The following CHLSN variants were observed in gnomAD, a reference collection of about 807,000 sequenced individuals.
The protein encoded by CHLSN is protein cholesin.
the CHLSN span, among the ~76,000 whole-genome samples, chr7:1,131,783 A>G: frequency 6.6e-6 from 1 of 152,260 alleles, no homozygotes; most frequent in Non-Finnish European, 1.5e-5. Flanking sequence ...TTAAAAACTT[A>G]ATCACTATGT....
chr7:1,039,154 T>C, the CHLSN span, among the ~76,000 whole-genome samples: 1 of 29,428 alleles, frequency 3.4e-5, no homozygotes, highest in Non-Finnish European at 6.3e-5. Context: ...GGAGCCCCTC[T>C]GCCCGGCCAG....
At chr7:1,007,303 C>T in the CHLSN span, among the ~76,000 whole-genome samples, 1 of 152,246 alleles carries the variant, frequency 6.6e-6, no homozygotes, top group African/African-American at 2.4e-5. Context: ...CTTCCTGAGT[C>T]CCAGTCCAGG....
At chr7:986,565 G>A in the CHLSN span, 1 of 1,585,046 alleles carries the variant, frequency 6.3e-7, no homozygotes, top group Non-Finnish European at 8.6e-7. Context: ...ATCACCGCCT[G>A]CCCAGCGTGC....
chr7:1,136,465 CATATATAA>C, the CHLSN span, among the ~76,000 whole-genome samples: 18 of 67,788 alleles, frequency 2.7e-4, no homozygotes, highest in African/African-American at 1.1e-3. Context: ...CATATATAAA[CATATATAA>C]ATATATAAAC....
At chr7:1,030,949 C>T in the CHLSN span, among the ~76,000 whole-genome samples, 1 of 152,214 alleles carries the variant, frequency 6.6e-6, no homozygotes, top group Admixed American at 6.5e-5. Flanking sequence ...TCCATGCATC[C>T]ACCCAGGCTG....
chr7:1,126,359 C>CAA, the CHLSN span, among the ~76,000 whole-genome samples: 791 of 40,170 alleles, frequency 0.02, 28 homozygotes, highest in Middle Eastern at 0.059. Flanking sequence ...GACTCTGTCT[C>CAA]AAAAAAAAAA....
the CHLSN span, among the ~76,000 whole-genome samples, chr7:1,114,358 A>G: frequency 6.6e-6 from 1 of 152,216 alleles, no homozygotes; most frequent in African/African-American, 2.4e-5. Flanking sequence ...CGCAGGTCCT[A>G]AGCTGCAGGT....
chr7:1,095,673 G>A, the CHLSN span, among the ~76,000 whole-genome samples: 1 of 152,234 alleles, frequency 6.6e-6, no homozygotes, highest in South Asian at 2.1e-4. Flanking sequence ...GCCCCGTGGG[G>A]TAAGCGCTGT....
the CHLSN span, among the ~76,000 whole-genome samples, chr7:1,121,783 T>C: frequency 0.044 from 6,653 of 152,220 alleles, 378 homozygotes; most frequent in African/African-American, 0.13. Flanking sequence ...CGAAGCCTTC[T>C]GTGGCCACTG....
chr7:997,543 C>T, the CHLSN span: 5 of 1,252,972 alleles, frequency 4.0e-6, no homozygotes, highest in South Asian at 5.3e-5. Context: ...GTGAACCCGG[C>T]CCCCACCGCC....
At chr7:1,059,625 T>G in the CHLSN span, among the ~76,000 whole-genome samples, 3 of 65,980 alleles carry the variant, frequency 4.5e-5, no homozygotes, top group Non-Finnish European at 8.6e-5. Flanking sequence ...TGGTTCTTAG[T>G]GGGGCGGGTC....
chr7:993,329 G>A, the CHLSN span, among the ~76,000 whole-genome samples: 3 of 152,192 alleles, frequency 2.0e-5, no homozygotes, highest in Admixed American at 1.3e-4. Flanking sequence ...CGAGGGACTG[G>A]ACGGACGGCA....
At chr7:997,870 C>T in the CHLSN span, 1 of 1,436,170 alleles carries the variant, frequency 7.0e-7, no homozygotes, top group Non-Finnish European at 9.6e-7. Flanking sequence ...CAGCAGGAGA[C>T]AAGACGCTGC....
chr7:1,024,443 A>T, the CHLSN span: 4 of 152,196 alleles, frequency 2.6e-5, no homozygotes, highest in Non-Finnish European at 4.4e-5. Flanking sequence ...GAGACGCAGG[A>T]GCCCCAGGGG....
At chr7:1,138,025 C>T in the CHLSN span, 9 of 150,572 alleles carry the variant, frequency 6.0e-5, no homozygotes, top group Non-Finnish European at 1.3e-4. Flanking sequence ...GCCGCACCAG[C>T]CTCCCCAGCA....
the CHLSN span, among the ~76,000 whole-genome samples, chr7:1,134,801 T>C: frequency 6.7e-6 from 1 of 148,716 alleles, no homozygotes; most frequent in East Asian, 2.0e-4. Flanking sequence ...GATGTGAACC[T>C]GGGAGGCGGA....
At chr7:987,352 G>A in the CHLSN span, 48 of 1,579,320 alleles carry the variant, frequency 3.0e-5, no homozygotes, top group South Asian at 5.3e-4. Context: ...CCCAGGCCGG[G>A]TGCAGGAGGA....
the CHLSN span, among the ~76,000 whole-genome samples, chr7:1,130,350 G>A: frequency 6.6e-6 from 1 of 152,218 alleles, no homozygotes; most frequent in Non-Finnish European, 1.5e-5. Context: ...GAGGGGTGCT[G>A]GTGGCTGTGG....
the CHLSN span, among the ~76,000 whole-genome samples, chr7:1,117,489 T>TC: frequency 7.8e-6 from 1 of 128,914 alleles, no homozygotes; most frequent in South Asian, 2.6e-4. Context: ...CGGACCGGCT[T>TC]CCATCACCGA....
Sources: allele counts gnomAD v4.1 joint callset (sites outside exome capture counted in the v4.1 genomes callset), GRCh38; gene constraint gnomAD v4.1.1; transcripts MANE v1.5; gene names NCBI Gene and HGNC (gene_info 2026-07-23, HGNC 2026-07-21).